CDH18: variants seen among roughly 807,000 people sequenced by gnomAD.
The protein encoded by CDH18 is cadherin-18.
In CDH18, 31 loss-of-function variants were observed where a neutral mutation model predicts 67.9. The ratio of observed to expected loss-of-function variants is 0.46; its 90% CI spans 0.34 to 0.62. The LOEUF (loss-of-function observed/expected upper bound fraction) is 0.62. Ranked by LOEUF, CDH18 falls within the 20% of genes least tolerant of loss-of-function variation. The probability of loss-of-function intolerance (pLI) is 0.01; values close to 1 mark genes in which losing one functional copy is unlikely to be tolerated. For synonymous variants in CDH18, 362 were observed against 347.2 expected, an observed-to-expected ratio of 1.04 and a Z score of -0.48; for missense variants, 890 against 975.5, an observed-to-expected ratio of 0.91 and a Z score of 1.17.
At chr5:20,055,902 G>C (rs1376756767) in intron 2 of CDH18, among the ~76,000 whole-genome samples, 8 of 150,420 alleles carry the variant, frequency 5.3e-5, no homozygotes, top group Non-Finnish European at 1.2e-4. Flanking sequence ...AGCTACTGCT[G>C]TCTGTGGAGA....
intron 6 of CDH18, among the ~76,000 whole-genome samples, chr5:19,611,053 C>T (rs1166437819): frequency 6.6e-6 from 1 of 152,140 alleles, no homozygotes; most frequent in Admixed American, 6.6e-5. Flanking sequence ...TTAAATTCAA[C>T]TAATTTACTC....
At chr5:19,966,755 CAATA>C (rs1797479111) in intron 2 of CDH18, among the ~76,000 whole-genome samples, 1 of 151,694 alleles carries the variant, frequency 6.6e-6, no homozygotes, top group East Asian at 1.9e-4. Context: ...TATTCACCTA[CAATA>C]AATAATGAAG....
At chr5:20,141,843 G>A (rs762660982) in intron 2 of CDH18, among the ~76,000 whole-genome samples, 5 of 151,774 alleles carry the variant, frequency 3.3e-5, no homozygotes, top group Non-Finnish European at 7.4e-5. Context: ...TTAACTGAAG[G>A]GGAGTTTTAT....
chr5:20,116,606 A>G (rs1747933115), intron 2 of CDH18, among the ~76,000 whole-genome samples: 1 of 152,210 alleles, frequency 6.6e-6, no homozygotes, highest in South Asian at 2.1e-4. Context: ...ATTAACAGCA[A>G]ATTAACCACT....
chr5:20,127,859 A>G (rs886721625), intron 2 of CDH18, among the ~76,000 whole-genome samples: 1 of 152,166 alleles, frequency 6.6e-6, no homozygotes, highest in African/African-American at 2.4e-5. Context: ...TTTTACTACA[A>G]TATAAAATAG....
intron 1 of CDH18, among the ~76,000 whole-genome samples, chr5:20,256,049 T>C (rs1333477316): frequency 6.6e-6 from 1 of 151,940 alleles, no homozygotes; most frequent in East Asian, 1.9e-4. Context: ...AAGGGAGTAT[T>C]ATAAATCAAT....
intron 9 of CDH18, among the ~76,000 whole-genome samples, chr5:19,537,117 G>A (rs1400554664): frequency 6.6e-6 from 1 of 152,132 alleles, no homozygotes; most frequent in Non-Finnish European, 1.5e-5. Flanking sequence ...TCAGGAGACT[G>A]AGTAAAGCAG....
Position 19,758,978 on chromosome 5 carries a change from T to A in CDH18, c.229-11742A>T, listed in dbSNP as rs148493617. Among the ~76,000 whole-genome samples the A allele has an allele frequency of 3.3e-5, 5 of 152,288 alleles. No homozygotes were observed. In the East Asian group the frequency reaches 9.7e-4, roughly 30 times the overall value. On this transcript the variant is annotated intron_variant, in intron 3 of 12. Transcript: ENST00000382275. ...AAGATTATGACACAAAACCAGAGAG[T>A]TGATATACCTCTGAGGTAGGACAGC...
chr5:20,357,864 T>C (rs1741761860), intron 1 of CDH18, among the ~76,000 whole-genome samples: 2 of 152,080 alleles, frequency 1.3e-5, no homozygotes, highest in African/African-American at 4.8e-5. Context: ...ACTGCAGCAC[T>C]ATTTGCAATA....
chr5:19,694,882 A>AAAG (rs1365767743), intron 5 of CDH18, among the ~76,000 whole-genome samples: 1 of 151,630 alleles, frequency 6.6e-6, no homozygotes, highest in Non-Finnish European at 1.5e-5. Context: ...TCAAAAAAAA[A>AAAG]AAAAAGATAA....
intron 3 of CDH18, among the ~76,000 whole-genome samples, chr5:19,756,163 C>T (rs1044524929): frequency 6.6e-6 from 1 of 152,146 alleles, no homozygotes; most frequent in African/African-American, 2.4e-5. Flanking sequence ...AACCCCCAAC[C>T]CAAACACTAT....
At chr5:19,481,624 C>T (rs1739435809) in intron 12 of CDH18, among the ~76,000 whole-genome samples, 1 of 152,168 alleles carries the variant, frequency 6.6e-6, no homozygotes, top group Non-Finnish European at 1.5e-5. Flanking sequence ...ACAAAACTCA[C>T]CAGCTTTGCC....
intron 2 of CDH18, among the ~76,000 whole-genome samples, chr5:20,169,430 C>G (rs975131939): frequency 2.6e-5 from 4 of 152,052 alleles, no homozygotes; most frequent in Admixed American, 2.6e-4. Context: ...GAATTGTATA[C>G]TGTGGACTAC....
chr5:20,438,897 G>T (rs998165782), intron 1 of CDH18, among the ~76,000 whole-genome samples: 1 of 151,434 alleles, frequency 6.6e-6, no homozygotes, highest in Non-Finnish European at 1.5e-5. Flanking sequence ...ACTGAAAAAT[G>T]AGACATACAA....
At chr5:19,544,145 A>AT (rs1408482439) in intron 8 of CDH18, 140 bp from the exon 9 acceptor site, 9 of 409,598 alleles carry the variant, frequency 2.2e-5, no homozygotes, top group African/African-American at 1.8e-4. Flanking sequence ...GCAACTTTAT[A>AT]TTTTTATAGA....
chr5:20,390,558 A>G (rs895722220), intron 1 of CDH18, among the ~76,000 whole-genome samples: 1 of 152,210 alleles, frequency 6.6e-6, no homozygotes, highest in Non-Finnish European at 1.5e-5. Context: ...TACTAGTTCA[A>G]TCATGTGTAA....
At position 19,621,404 on chromosome 5, in the gene CDH18, G is replaced by A. The variant is rs948073393; in HGVS notation, c.644-8803C>T. ...CTAGTATGAGGTGATATCTCCTTGT[G>A]GTTTGGATTTATATTCTTCTGATGA... On this transcript the variant is annotated intron_variant, in intron 5 of 12. Coordinates refer to ENST00000382275, the MANE Select transcript of CDH18 (RefSeq NM_004934.5). Among the ~76,000 whole-genome samples, 4 of 151,882 alleles carry A rather than the reference G, an allele frequency of 2.6e-5. No individual in the cohort carries two copies. The East Asian group carries it at 7.7e-4, about 29-fold the overall frequency.
At position 19,515,757 on chromosome 5, in the gene CDH18, C is replaced by A. The variant is rs1745882580; in HGVS notation, c.1512+4900G>T. Among the ~76,000 whole-genome samples, 4 of 152,102 alleles carry A rather than the reference C, an allele frequency of 2.6e-5. No homozygotes were observed. In the South Asian group the frequency reaches 8.3e-4, roughly 32 times the overall value. On this transcript the variant is annotated intron_variant, in intron 10 of 12. Coordinates refer to ENST00000382275, the MANE Select transcript of CDH18 (RefSeq NM_004934.5). Reference sequence around the variant, plus strand: ...AGCTTAAGAAGATTTTGGGCTGAGACAATGGGGTTTTCTAAATATACAATC... The same window carrying A: ...AGCTTAAGAAGATTTTGGGCTGAGAAAATGGGGTTTTCTAAATATACAATC...
intron 1 of CDH18, among the ~76,000 whole-genome samples, chr5:20,417,741 C>A (rs767568684): frequency 6.6e-6 from 1 of 152,130 alleles, no homozygotes; most frequent in Non-Finnish European, 1.5e-5. Flanking sequence ...TATCATCAGT[C>A]ATATATTCCT....
Sources: allele counts gnomAD v4.1 joint callset (sites outside exome capture counted in the v4.1 genomes callset), GRCh38; gene constraint gnomAD v4.1.1; transcripts MANE v1.5; gene names NCBI Gene and HGNC (gene_info 2026-07-23, HGNC 2026-07-21).